The following ESYT2 variants were observed in gnomAD, a reference collection of about 807,000 sequenced individuals.
ESYT2 encodes the protein extended synaptotagmin 2, also known as extended synaptotagmin-2.
Under a neutral mutation model 107.2 loss-of-function variants are expected in ESYT2, and 54 were observed. The ratio of observed to expected loss-of-function variants is 0.50; its 90% CI spans 0.40 to 0.63. The LOEUF (loss-of-function observed/expected upper bound fraction) is 0.63, where lower values mean the gene tolerates loss of function less well. Ranked by LOEUF, ESYT2 falls within the 30% of genes least tolerant of loss-of-function variation. The pLI, the probability that ESYT2 is intolerant of heterozygous loss-of-function variation, is 0.00. For missense variants in ESYT2, 1,020 were observed against 1,094.5 expected (o/e 0.93, Z 0.96); for synonymous variants, 491 against 434.1 (o/e 1.13, Z -1.63).
chr7:158,754,147 G>A (rs1032907509), intron 13 of ESYT2, among the ~76,000 whole-genome samples: 19 of 151,984 alleles, frequency 1.3e-4, no homozygotes, highest in African/African-American at 3.1e-4. Context: ...TTGCAGCCTC[G>A]GGCTACTCAC....
At chr7:158,780,561 A>T (rs1838739168) in intron 6 of ESYT2, among the ~76,000 whole-genome samples, 2 of 152,264 alleles carry the variant, frequency 1.3e-5, no homozygotes, top group South Asian at 4.1e-4. Context: ...CTCAAAAAGA[A>T]TATTAACTAT....
intron 3 of ESYT2, among the ~76,000 whole-genome samples, chr7:158,796,737 G>A (rs1839470482): frequency 6.6e-6 from 1 of 152,190 alleles, no homozygotes; most frequent in Non-Finnish European, 1.5e-5. Context: ...GTGCGGGCGA[G>A]AGGGAAGCAG....
chr7:158,763,379 C>T (rs192723590), intron 9 of ESYT2, among the ~76,000 whole-genome samples: 15 of 152,220 alleles, frequency 9.9e-5, no homozygotes, highest in African/African-American at 3.1e-4. Context: ...ACTGCAACCT[C>T]CGCCTCCTGG....
Position 158,795,324 on chromosome 7 carries a change from A to C in ESYT2, c.508-1598T>G, listed in dbSNP as rs577527191. ...CCTCTTAATACTCTTGCTATTCTCCAAGGATTTCCTTATTCAGCTGGTATC... is the reference window on the plus strand; with the variant it reads ...CCTCTTAATACTCTTGCTATTCTCCCAGGATTTCCTTATTCAGCTGGTATC... On this transcript the variant is annotated intron_variant, in intron 3 of 22. Coordinates refer to ENST00000275418, the MANE Select transcript of ESYT2 (RefSeq NM_001367773.1). Among the ~76,000 whole-genome samples, 6 of 152,358 alleles carry C rather than the reference A, an allele frequency of 3.9e-5. No individual in the cohort carries two copies. In the East Asian group the frequency reaches 9.6e-4, roughly 24 times the overall value.
intron 9 of ESYT2, among the ~76,000 whole-genome samples, chr7:158,764,105 G>A (rs1838070260): frequency 1.3e-5 from 2 of 152,246 alleles, no homozygotes; most frequent in East Asian, 3.9e-4. Context: ...TTTTGATCCA[G>A]CAATTTCACT....
chr7:158,828,239 GAA>G (rs2129474528), intron 1 of ESYT2, among the ~76,000 whole-genome samples: 2 of 152,330 alleles, frequency 1.3e-5, no homozygotes, highest in South Asian at 2.1e-4. Flanking sequence ...CCCGGTAGAA[GAA>G]AAAGTTAACT....
In ESYT2 at chr7:158,763,100, C is replaced by T; in HGVS notation, c.1167G>A (p.Lys389=). 1 of 1,612,842 alleles carries T rather than the reference C, an allele frequency of 6.2e-7. No homozygotes were observed. The highest frequency in any genetic ancestry group is 8.5e-7 in the Non-Finnish European group (1 of 1,179,270). The change falls in exon 10 of 23, where the codon AAG becomes AAA. Residue 389 remains lysine (K), a synonymous_variant. Coordinates refer to ENST00000275418, the MANE Select transcript of ESYT2 (RefSeq NM_001367773.1). ...TTATTTACCTTCCTAAAAAGTCATC[C>T]TTGTCTGGGTCTTCATCAAAGAGCT... ...EIELFDEDPD[K]DDFLGSLMID...
intron 16 of ESYT2, among the ~76,000 whole-genome samples, chr7:158,744,761 G>C (rs764349601): frequency 3.3e-5 from 5 of 152,160 alleles, no homozygotes; most frequent in Non-Finnish European, 7.3e-5. Context: ...AATAGAGTAA[G>C]AACTCTGAAG....
In ESYT2 at chr7:158,774,313, T is replaced by A. The variant is rs113085638; in HGVS notation, c.748-917A>T. ...AAACAAACAAACAAACAAAAAACAATTTTTAAGATCCTGAAAGGCTAAGAT... is the reference window on the plus strand; with the variant it reads ...AAACAAACAAACAAACAAAAAACAAATTTTAAGATCCTGAAAGGCTAAGAT... On this transcript the variant is annotated intron_variant, in intron 6 of 22. Transcript: ENST00000275418. Among the ~76,000 whole-genome samples, 33 of 152,256 alleles carry A rather than the reference T, an allele frequency of 2.2e-4. 4 individuals carry two copies. Among genetic ancestry groups the A allele is most frequent in the African/African-American group, 7.7e-4 (32 of 41,534 alleles).
chr7:158,741,002 T>A (rs55933756), intron 18 of ESYT2, among the ~76,000 whole-genome samples: 8 of 151,862 alleles, frequency 5.3e-5, no homozygotes, highest in Non-Finnish European at 4.4e-5. Context: ...TTTTCCTCCG[T>A]ATCTAAAGAA....
Position 158,761,397 on chromosome 7 carries a change from G to A in ESYT2, c.1233+99C>T, listed in dbSNP as rs891422858. 2.5e-5 allele frequency: 24 copies of A among 977,558 alleles called. No homozygotes were observed. In the African/African-American group the frequency reaches 3.6e-4, roughly 15 times the overall value. 60.6% of individuals were successfully genotyped at this position (977,558 alleles called of 1,614,324 possible). A position where few individuals can be genotyped will look rare whatever the true frequency, so the allele number is the denominator to read the frequency against. On this transcript the variant is annotated intron_variant, in intron 11 of 22. Coordinates refer to ENST00000275418, the MANE Select transcript of ESYT2 (RefSeq NM_001367773.1). ...TCATGCCATACTAATTAGGATTCCGGCACTGTGTGATGGTGAAGGGGTGGT... is the reference window on the plus strand; with the variant it reads ...TCATGCCATACTAATTAGGATTCCGACACTGTGTGATGGTGAAGGGGTGGT...
chr7:158,757,133 T>C (rs780057793), intron 13 of ESYT2, among the ~76,000 whole-genome samples: 1 of 152,104 alleles, frequency 6.6e-6, no homozygotes, highest in East Asian at 1.9e-4. Context: ...GTTCATCTCA[T>C]GGTCAGATGC....
At position 158,735,492 on chromosome 7, in the gene ESYT2, T is replaced by G. The variant is rs536176097; in HGVS notation, c.2505+11A>C. 23 of 1,609,732 alleles carry G rather than the reference T, an allele frequency of 1.4e-5. No homozygotes were observed. Among genetic ancestry groups the G allele is most frequent in the Non-Finnish European group, 2.0e-5 (23 of 1,176,162 alleles). On this transcript the variant is annotated intron_variant, in intron 21 of 22. Transcript: ENST00000275418. The stretch of plus-strand genomic sequence containing the variant: ...CTGCAGGAACTGGTTGAGGATTCGT[T>G]TGGCACTTACTTTGCCAAGGAGCCC...
intron 1 of ESYT2, among the ~76,000 whole-genome samples, chr7:158,810,606 T>C (rs1445456200): frequency 6.6e-6 from 1 of 151,674 alleles, no homozygotes; most frequent in Non-Finnish European, 1.5e-5. Flanking sequence ...CACTTGAGCC[T>C]GGGAGGTGGA....
At chr7:158,776,927 A>C (rs1838587483) in intron 6 of ESYT2, among the ~76,000 whole-genome samples, 1 of 150,130 alleles carries the variant, frequency 6.7e-6, no homozygotes, top group Admixed American at 6.7e-5. Context: ...ATCTTAGCTC[A>C]CTACAACCTC....
chr7:158,743,472 C>G, intron 17 of ESYT2, 57 bp downstream of exon 17: 9 of 1,562,814 alleles, frequency 5.8e-6, no homozygotes, highest in Non-Finnish European at 7.7e-6. Context: ...CATGAGTATC[C>G]CTGCCAGCAC....
intron 6 of ESYT2, among the ~76,000 whole-genome samples, chr7:158,786,433 C>T (rs1328608183): frequency 6.6e-6 from 1 of 150,538 alleles, no homozygotes; most frequent in Non-Finnish European, 1.5e-5. Context: ...GGAAAAAAAA[C>T]ACATTAATTT....
intron 18 of ESYT2, among the ~76,000 whole-genome samples, chr7:158,740,440 G>A (rs998476703): frequency 6.6e-6 from 1 of 152,188 alleles, no homozygotes; most frequent in African/African-American, 2.4e-5. Context: ...TCAGCCCTGT[G>A]GTCCTTGTTA....
At chr7:158,780,485 G>A (rs1233469650) in intron 6 of ESYT2, among the ~76,000 whole-genome samples, 1 of 152,176 alleles carries the variant, frequency 6.6e-6, no homozygotes, top group Non-Finnish European at 1.5e-5. Flanking sequence ...CAAACAAGCA[G>A]AGACTATTTC....
Sources: allele counts gnomAD v4.1 joint callset (sites outside exome capture counted in the v4.1 genomes callset), GRCh38; gene constraint gnomAD v4.1.1; transcripts MANE v1.5; gene names NCBI Gene and HGNC (gene_info 2026-07-23, HGNC 2026-07-21).